The following JADE3 variants were observed in gnomAD, a reference collection of about 807,000 sequenced individuals.
JADE3 encodes the protein jade family PHD finger 3.
A neutral mutation model predicts 50.1 loss-of-function variants in JADE3; 2 were observed. That is an observed-to-expected ratio of 0.04 (90% CI 0.02 to 0.13). The LOEUF is 0.13. JADE3 is among the 10% of genes least tolerant of loss of function. The pLI, the probability that JADE3 is intolerant of heterozygous loss-of-function variation, is 1.00. For missense variants in JADE3, 475 were observed against 634.4 expected (o/e 0.75, Z 2.70); for synonymous variants, 218 against 232.9 (o/e 0.94, Z 0.58).
chrX:47,057,534 C>T (rs1343631515), intron 10 of JADE3, among the ~76,000 whole-genome samples: 1 of 111,275 alleles, frequency 9.0e-6, no homozygotes, highest in Non-Finnish European at 1.9e-5. Flanking sequence ...GCTGGCCTTA[C>T]CACTACAAAA....
intron 3 of JADE3, among the ~76,000 whole-genome samples, chrX:46,988,370 C>G (rs1321358561): frequency 9.0e-6 from 1 of 110,922 alleles, no homozygotes; most frequent in African/African-American, 3.3e-5. Context: ...AGAGAAGTTA[C>G]TTGCCCAGGG....
At chrX:47,038,654 T>TTA (rs1202045357) in intron 7 of JADE3, among the ~76,000 whole-genome samples, 1 of 73,089 alleles carries the variant, frequency 1.4e-5, no homozygotes, top group Non-Finnish European at 2.5e-5. Context: ...ACCTTGTCTC[T>TTA]AAAAAAAAAA....
intron 7 of JADE3, among the ~76,000 whole-genome samples, chrX:47,038,513 C>G (rs1929182333): frequency 9.1e-6 from 1 of 110,107 alleles, no homozygotes; most frequent in Non-Finnish European, 1.9e-5. Context: ...TAGATAAAAG[C>G]CAAAAATATT....
chrX:46,945,561 A>C (rs1418909690), intron 1 of JADE3, among the ~76,000 whole-genome samples: 2 of 111,179 alleles, frequency 1.8e-5, no homozygotes, highest in African/African-American at 6.6e-5. Flanking sequence ...GCAGTACTCA[A>C]CTAAGGGTAC....
chrX:46,937,371 G>A (rs1009719821), intron 1 of JADE3, among the ~76,000 whole-genome samples: 2 of 110,908 alleles, frequency 1.8e-5, no homozygotes, highest in African/African-American at 3.3e-5. Flanking sequence ...GAAAGAACAC[G>A]TATTCTGCTA....
At chrX:47,048,578 TCACA>T (rs1929429780) in intron 8 of JADE3, among the ~76,000 whole-genome samples, 1 of 112,031 alleles carries the variant, frequency 8.9e-6, no homozygotes, top group South Asian at 3.7e-4. Flanking sequence ...GAAGCCAGAC[TCACA>T]CAGCCACATA....
chrX:47,013,147 G>A (rs1556362131), intron 4 of JADE3, among the ~76,000 whole-genome samples: 2 of 111,439 alleles, frequency 1.8e-5, no homozygotes, highest in African/African-American at 6.5e-5. Context: ...CCAATTAGTT[G>A]GGACTACAGG....
chrX:47,002,044 G>A (rs1928299288), intron 4 of JADE3, among the ~76,000 whole-genome samples: 1 of 111,346 alleles, frequency 9.0e-6, no homozygotes, highest in Non-Finnish European at 1.9e-5. Context: ...TTTTCTCCCA[G>A]TCTATTTATA....
intron 4 of JADE3, among the ~76,000 whole-genome samples, chrX:47,001,047 C>CT (rs782577127): frequency 9.0e-4 from 100 of 111,683 alleles, no homozygotes; most frequent in African/African-American, 3.1e-3. Flanking sequence ...ATACGAAACT[C>CT]TTAATTTTAA....
At chrX:47,035,600 CTCTTA>C (rs782561870) in intron 7 of JADE3, among the ~76,000 whole-genome samples, 1 of 111,260 alleles carries the variant, frequency 9.0e-6, no homozygotes, top group African/African-American at 3.3e-5. Context: ...TATTGACATT[CTCTTA>C]TGATTTCTAG....
At chrX:46,929,243 C>T (rs1926441140) in intron 1 of JADE3, among the ~76,000 whole-genome samples, 1 of 111,997 alleles carries the variant, frequency 8.9e-6, no homozygotes, top group South Asian at 3.7e-4. Context: ...TATACAGGAG[C>T]GGTGTTTGTG....
chrX:46,955,467 G>A (rs1056850206), intron 1 of JADE3, among the ~76,000 whole-genome samples: 26 of 111,939 alleles, frequency 2.3e-4, no homozygotes, highest in African/African-American at 7.5e-4. Flanking sequence ...TTTATTCAAG[G>A]CCAGTATAAT....
At chrX:47,040,679 T>C (rs1450495061) in intron 8 of JADE3, among the ~76,000 whole-genome samples, 1 of 111,943 alleles carries the variant, frequency 8.9e-6, no homozygotes, top group African/African-American at 3.2e-5. Flanking sequence ...ATGGAAAAAT[T>C]ATCTTTCACA....
intron 1 of JADE3, among the ~76,000 whole-genome samples, chrX:46,922,654 GTT>G (rs374263509): frequency 2.9e-4 from 30 of 101,877 alleles, no homozygotes; most frequent in African/African-American, 1.0e-3. Context: ...TTTTCTTACT[GTT>G]TTTTTTTTAA....
At chrX:46,947,903 T>G (rs782665322) in intron 1 of JADE3, among the ~76,000 whole-genome samples, 19 of 111,226 alleles carry the variant, frequency 1.7e-4, no homozygotes, top group African/African-American at 6.2e-4. Context: ...TCCTCTGTTA[T>G]ACAACCTGTT....
rs112636048 is a variant in JADE3, at chrX:46,992,130, T to G, written c.127-5990T>G. ...GTAACACAGGGAGGCTGAGGCTGGA[T>G]GCTTTTCCCTTCTCCCAGCAGTAAT... On this transcript the variant is annotated intron_variant, in intron 3 of 10. Transcript: ENST00000614628. 3.3e-3 allele frequency among the ~76,000 whole-genome samples: 365 copies of G among 111,322 alleles called. 1 individual carries two copies. Among genetic ancestry groups the G allele is most frequent in the African/African-American group, 0.011 (350 of 30,613 alleles).
chrX:46,931,902 A>G (rs782057017), intron 1 of JADE3, among the ~76,000 whole-genome samples: 3 of 111,858 alleles, frequency 2.7e-5, no homozygotes, highest in African/African-American at 9.7e-5. Flanking sequence ...TTCCTTGTAT[A>G]CCAATGCTTC....
chrX:47,016,044 C>T (rs1556362813), intron 4 of JADE3, among the ~76,000 whole-genome samples: 1 of 111,120 alleles, frequency 9.0e-6, no homozygotes, highest in African/African-American at 3.3e-5. Context: ...CTTTTCTACT[C>T]TCTAACTTCT....
In JADE3 at chrX:46,985,663, A is replaced by G. The variant is rs1556354305; in HGVS notation, c.47-50A>G. On this transcript the variant is annotated intron_variant, in intron 2 of 10. Coordinates refer to ENST00000614628, the MANE Select transcript of JADE3 (RefSeq NM_014735.5). ...ACATTTAGTTTTATGACATTTAGTT[A>G]TATTAATAGGTAATGTGTCTCAGTA... The G allele has an allele frequency of 5.2e-6, 4 of 771,587 alleles. No homozygotes were observed. The Admixed American group carries it at 9.7e-5, about 19-fold the overall frequency. The allele number at this position is 771,587 out of a possible 1,213,427, so 63.6% of individuals were successfully genotyped here. A position where few individuals can be genotyped will look rare whatever the true frequency, so the allele number is the denominator to read the frequency against.
Sources: allele counts gnomAD v4.1 joint callset (sites outside exome capture counted in the v4.1 genomes callset), GRCh38; gene constraint gnomAD v4.1.1; transcripts MANE v1.5; gene names NCBI Gene and HGNC (gene_info 2026-07-23, HGNC 2026-07-21).